The following RNF149 variants were observed in gnomAD, a reference collection of about 807,000 sequenced individuals.
RNF149 encodes ring finger protein 149.
In RNF149, 21 loss-of-function variants were observed where a neutral mutation model predicts 39.0. The ratio of observed to expected loss-of-function variants is 0.54; its 90% CI spans 0.38 to 0.77. RNF149 has a LOEUF of 0.77. Among genes scored for constraint, RNF149 ranks in the 30% least tolerant of loss-of-function variants. The probability of loss-of-function intolerance (pLI) is 0.00; values close to 1 mark genes in which losing one functional copy is unlikely to be tolerated. For synonymous variants in RNF149, 209 were observed against 213.6 expected, an observed-to-expected ratio of 0.98 and a Z score of 0.19; for missense variants, 493 against 534.9, an observed-to-expected ratio of 0.92 and a Z score of 0.77.
chr2:101,304,887 C>A (rs1683597442), intron 1 of RNF149, among the ~76,000 whole-genome samples: 1 of 136,918 alleles, frequency 7.3e-6, no homozygotes, highest in Admixed American at 8.0e-5. Context: ...GTCACCCAGG[C>A]TAGAGTACAG....
chr2:101,300,263 T>G (rs1262904937), intron 1 of RNF149, among the ~76,000 whole-genome samples: 1 of 152,148 alleles, frequency 6.6e-6, no homozygotes, highest in African/African-American at 2.4e-5. Context: ...CAGCCCAGTT[T>G]GGCTGGTGAC....
chr2:101,285,247 G>C (rs188625497), intron 5 of RNF149, among the ~76,000 whole-genome samples: 363 of 152,150 alleles, frequency 2.4e-3, no homozygotes, highest in African/African-American at 8.2e-3. Flanking sequence ...TTAATAGATT[G>C]TATGAAGACT....
Position 101,308,360 on chromosome 2 carries a change from C to T in RNF149, c.229G>A (p.Val77Met). ...CCGCCGGGCGCCCACGGGACGCCCA[C>T]CAGGCCATGCGCGCCCTCCTTGGGC... ...SSPKEGAHGL[V>M]GVPWAPGGDL... Residue 77 changes from valine (V) to methionine (M), a missense_variant, in exon 1 of 7, where the codon GTG (valine) becomes ATG (methionine). Transcript: ENST00000295317. 1.9e-6 allele frequency: 3 copies of T among 1,605,034 alleles called. No homozygotes were observed. The highest frequency in any genetic ancestry group is 2.5e-6 in the Non-Finnish European group (3 of 1,177,578).
downstream of RNF149, among the ~76,000 whole-genome samples, chr2:101,275,431 C>T (rs368716706): frequency 0.014 from 361 of 26,412 alleles, 2 homozygotes; most frequent in Middle Eastern, 0.05. Flanking sequence ...CCTAGTATTT[C>T]TTTTTTTTTT....
intron 1 of RNF149, among the ~76,000 whole-genome samples, chr2:101,299,581 C>T (rs1683373013): frequency 6.7e-6 from 1 of 149,856 alleles, no homozygotes; most frequent in Admixed American, 6.6e-5. Flanking sequence ...TGTAAACTTG[C>T]TTTTGTGGAA....
At position 101,276,289 on chromosome 2, in the gene RNF149, G is replaced by T. The variant is rs963554398; in HGVS notation, c.*949C>A. ...GTCTCCAAAAGCTTTGCATTAGCCT[G>T]CTCCTTTGACCCAAAAGAACAGCAA... On this transcript the variant is annotated 3_prime_UTR_variant, in exon 7 of 7. Transcript: ENST00000295317. The T allele has an allele frequency of 1.0e-6, 1 of 985,336 alleles. No individual in the cohort carries two copies. The highest frequency in any genetic ancestry group is 6.2e-5 in the Admixed American group (1 of 16,252). 61.0% of individuals were successfully genotyped at this position (985,336 alleles called of 1,614,324 possible).
chr2:101,298,874 G>A (rs1028120638), intron 1 of RNF149, among the ~76,000 whole-genome samples: 1 of 152,186 alleles, frequency 6.6e-6, no homozygotes, highest in Non-Finnish European at 1.5e-5. Flanking sequence ...TAACTTTTAG[G>A]CATGGTGGCT....
At position 101,282,040 on chromosome 2, in the gene RNF149, T is replaced by C. The variant is rs1301834775; in HGVS notation, c.978A>G (p.Val326=). 1 of 1,613,834 alleles carries C rather than the reference T, an allele frequency of 6.2e-7. No individual in the cohort carries two copies. The change falls in exon 6 of 7, where the codon GTA becomes GTG. Residue 326 remains valine (V), a synonymous_variant. Transcript: ENST00000295317. ...GAGATTCTGGAGCAGGCATCTCCTG[T>C]ACATCCCCAGGCTCTCCCTTGAGAA... The part of the protein sequence containing the change: ...ALGYWGEPGD[V]QEMPAPESPP...
rs1219043161 is a variant in RNF149 at position 101,289,027 on chromosome 2, G to A, written c.809C>T (p.Ala270Val). Residue 270 changes from alanine to valine, a missense_variant, in exon 4 of 7, where the codon GCA becomes GTA. Ala to Val is a moderately conservative substitution (Grantham distance 64, BLOSUM62 0). Transcript: ENST00000295317. ...KGIDVDAENC[A>V]VCIENFKVKD... is the part of the protein sequence containing the mutation. ...TACTTTGAAATTTTCAATACACACT[G>A]CACAATTTTCAGCATCAACATCAAT... 3.8e-6 allele frequency: 6 copies of A among 1,593,728 alleles called. No individual in the cohort carries two copies. In the South Asian group the frequency reaches 5.6e-5, roughly 15 times the overall value.
At chr2:101,277,652 A>G (rs1682398565) in intron 6 of RNF149, among the ~76,000 whole-genome samples, 2 of 152,094 alleles carry the variant, frequency 1.3e-5, no homozygotes, top group African/African-American at 2.4e-5. Context: ...GCCTCCCAAA[A>G]TGCTGGGATT....
chr2:101,294,622 C>A, intron 2 of RNF149: 1 of 276,856 alleles, frequency 3.6e-6, no homozygotes, highest in Non-Finnish European at 6.8e-6. Context: ...TTTACTACGG[C>A]TCCATGATGG....
downstream of RNF149, chr2:101,271,314 C>T (rs1235743776): frequency 6.6e-6 from 1 of 152,116 alleles, no homozygotes; most frequent in African/African-American, 2.4e-5. Context: ...ACACTTGCAA[C>T]ACCAACAAAA....
At chr2:101,290,891 G>T (rs1186401970) in intron 3 of RNF149, among the ~76,000 whole-genome samples, 1 of 152,116 alleles carries the variant, frequency 6.6e-6, no homozygotes. Context: ...TACACACCTG[G>T]TCTCACCCAT....
At chr2:101,275,402 C>A (rs1682299012), downstream of RNF149, among the ~76,000 whole-genome samples, 4 of 146,916 alleles carry the variant, frequency 2.7e-5, no homozygotes, top group South Asian at 8.6e-4. Flanking sequence ...CAGGCGTGAG[C>A]CACCGCGCCC....
chr2:101,293,407 G>A (rs1028463727), intron 3 of RNF149, among the ~76,000 whole-genome samples: 3 of 152,134 alleles, frequency 2.0e-5, no homozygotes, highest in Non-Finnish European at 4.4e-5. Context: ...CTATGCATTA[G>A]CAACAGTTTT....
At position 101,277,129 on chromosome 2, in the gene RNF149, T is replaced by C; in HGVS notation, c.*109A>G. 2 of 1,488,126 alleles carry C rather than the reference T, an allele frequency of 1.3e-6. No individual in the cohort carries two copies. Among genetic ancestry groups the C allele is most frequent in the Non-Finnish European group, 9.1e-7 (1 of 1,101,260 alleles). The allele number at this position is 1,488,126 out of a possible 1,614,324, so 92.2% of individuals were successfully genotyped here. On this transcript the variant is annotated 3_prime_UTR_variant, in exon 7 of 7. Coordinates refer to ENST00000295317, the MANE Select transcript of RNF149 (RefSeq NM_173647.4). ...TCAAATCAGAATCTAATAGGTAAAA[T>C]AATATACATTATTTTCAAATATACA...
intron 5 of RNF149, among the ~76,000 whole-genome samples, chr2:101,283,281 A>G (rs1229224598): frequency 6.6e-6 from 1 of 152,176 alleles, no homozygotes; most frequent in African/African-American, 2.4e-5. Flanking sequence ...CCAGTCCAGA[A>G]AGTGAAATCT....
At chr2:101,289,169 C>A (rs915688762) in intron 3 of RNF149, 114 bp from the exon 4 acceptor site, 1 of 620,484 alleles carries the variant, frequency 1.6e-6, no homozygotes, top group South Asian at 2.0e-5. Context: ...GTGGTACAAC[C>A]GGTGAAATTA....
Position 101,307,356 on chromosome 2 carries a change from A to C in RNF149, c.460+773T>G, listed in dbSNP as rs570520323. ...GCCACCACGTCCACGCGATTTTAAG[A>C]AATTTTTGCAGATATGGGGTCTATG... On this transcript the variant is annotated intron_variant, in intron 1 of 6. Transcript: ENST00000295317. 1.8e-4 allele frequency among the ~76,000 whole-genome samples: 27 copies of C among 152,156 alleles called. No individual in the cohort carries two copies. In the South Asian group the frequency reaches 3.9e-3, roughly 22 times the overall value.
Sources: allele counts gnomAD v4.1 joint callset (sites outside exome capture counted in the v4.1 genomes callset), GRCh38; gene constraint gnomAD v4.1.1; transcripts MANE v1.5; gene names NCBI Gene and HGNC (gene_info 2026-07-23, HGNC 2026-07-21).